Variants in KLHL3 observed in about 807,000 individuals in gnomAD.
KLHL3 encodes the protein kelch like family member 3.
Under a neutral mutation model 70.5 loss-of-function variants are expected in KLHL3, and 19 were observed. The observed-to-expected ratio is 0.27, with a 90% CI of 0.19 to 0.40. KLHL3 has a LOEUF of 0.40. Ranked by LOEUF, KLHL3 falls within the 10% of genes least tolerant of loss-of-function variation. The pLI, the probability that KLHL3 is intolerant of heterozygous loss-of-function variation, is 1.00. For missense variants in KLHL3, 512 were observed against 771.1 expected (o/e 0.66, Z 3.98); for synonymous variants, 258 against 290.3 (o/e 0.89, Z 1.13).
chr5:137,727,510 G>A (rs371547310), intron 1 of KLHL3, among the ~76,000 whole-genome samples: 25 of 152,156 alleles, frequency 1.6e-4, no homozygotes, highest in South Asian at 6.2e-4. Flanking sequence ...TAATCCCATC[G>A]TTGCCCTGAA....
Position 137,735,885 on chromosome 5 carries a change from T to C in KLHL3, c.-239A>G. ...TCTTACCCAGAGCTCCCTGCAGCCC[T>C]TTCAGCTGCTAAAAGCAGCAACCCA... On this transcript the variant is annotated 5_prime_UTR_variant, in exon 1 of 15. Transcript: ENST00000309755. 1 of 581,806 alleles carries C rather than the reference T, an allele frequency of 1.7e-6. No homozygotes were observed. The highest frequency in any genetic ancestry group is 3.1e-6 in the Non-Finnish European group (1 of 321,298). 36.0% of individuals were successfully genotyped at this position (581,806 alleles called of 1,614,324 possible).
chr5:137,636,783 T>C (rs1439108666), intron 11 of KLHL3, among the ~76,000 whole-genome samples: 2 of 152,168 alleles, frequency 1.3e-5, no homozygotes, highest in African/African-American at 4.8e-5. Context: ...TACCTTACCC[T>C]ACACAGCTTT....
At position 137,709,736 on chromosome 5, in the gene KLHL3, G is replaced by GCCACT; in HGVS notation, c.241+9_241+13dup. 6.3e-7 allele frequency: 1 copy of GCCACT among 1,591,370 alleles called. No homozygotes were observed. The highest frequency in any genetic ancestry group is 1.1e-5 in the South Asian group (1 of 90,680). On this transcript the variant is annotated intron_variant, in intron 3 of 14. Transcript: ENST00000309755. ...GCCCCATAACCATGGGTTAATGGTG[G>GCCACT]CCACTCACCATACCTGTGAACATCG... is the stretch of plus-strand genomic sequence containing the variant.
At position 137,692,510 on chromosome 5, in the gene KLHL3, C is replaced by T. The variant is rs1752348575; in HGVS notation, c.364-63G>A. On this transcript the variant is annotated intron_variant, in intron 4 of 14. Transcript: ENST00000309755. ...ACTGGCAGAGACTCATCTGCCTTTT[C>T]CTATCATATCACTCCCATGCTCAAG... The T allele has an allele frequency of 6.8e-6, 10 of 1,476,746 alleles. No individual in the cohort carries two copies. The South Asian group carries it at 8.3e-5, about 12-fold the overall frequency. 91.5% of individuals were successfully genotyped at this position (1,476,746 alleles called of 1,614,324 possible). A position where few individuals can be genotyped will look rare whatever the true frequency, so the allele number is the denominator to read the frequency against.
intron 5 of KLHL3, among the ~76,000 whole-genome samples, chr5:137,678,581 G>A (rs1751945411): frequency 6.6e-6 from 1 of 152,112 alleles, no homozygotes; most frequent in African/African-American, 2.4e-5. Context: ...TCGGCCTCCT[G>A]AATAGCTGGG....
intron 8 of KLHL3, chr5:137,647,744 T>C (rs1054003571): frequency 2.6e-6 from 1 of 381,660 alleles, no homozygotes; most frequent in African/African-American, 2.1e-5. Context: ...CAAGTACTGA[T>C]AGCAAGGTGC....
chr5:137,673,038 T>G (rs564634787), intron 6 of KLHL3: 1 of 152,298 alleles, frequency 6.6e-6, no homozygotes, highest in Admixed American at 6.5e-5. Flanking sequence ...TGAGAATGAC[T>G]CTACGGTCTA....
At position 137,639,291 on chromosome 5, in the gene KLHL3, T is replaced by C. The variant is rs1333100626; in HGVS notation, c.1022-141A>G. On this transcript the variant is annotated intron_variant, in intron 9 of 14. Coordinates refer to ENST00000309755, the MANE Select transcript of KLHL3 (RefSeq NM_017415.3). This position sits in a 1 kb window ranked among gnomAD's most constrained non-coding sequence, Gnocchi z 5.0. Reference sequence around the variant, plus strand: ...TAGGTATTTGGCAGTCATTATGGGATTCACTGGATTTCTTTCCTACTTGCT... The same window carrying C: ...TAGGTATTTGGCAGTCATTATGGGACTCACTGGATTTCTTTCCTACTTGCT... The C allele has an allele frequency of 3.7e-5, 26 of 707,054 alleles. No homozygotes were observed. In the South Asian group the frequency reaches 4.9e-4, roughly 13 times the overall value. The allele number at this position is 707,054 out of a possible 1,614,324, so 43.8% of individuals were successfully genotyped here. A position where few individuals can be genotyped will look rare whatever the true frequency, so the allele number is the denominator to read the frequency against.
At chr5:137,709,250 G>A (rs563261002) in intron 3 of KLHL3, among the ~76,000 whole-genome samples, 6 of 152,166 alleles carry the variant, frequency 3.9e-5, no homozygotes, top group South Asian at 2.1e-4. Context: ...AAAGACTAGC[G>A]GAGGTCCAGG....
rs557090897 is a variant in KLHL3 at position 137,646,203 on chromosome 5, T to G, written c.904-6226A>C. ...GAAAAAAAATGCTCAACATCACTAT[T>G]TATCTGGGAAATGCAAATGAAAATC... is the stretch of plus-strand genomic sequence containing the variant. On this transcript the variant is annotated intron_variant, in intron 8 of 14. Transcript: ENST00000309755. Among the ~76,000 whole-genome samples the G allele has an allele frequency of 4.6e-5, 7 of 152,238 alleles. No individual in the cohort carries two copies. The East Asian group carries it at 1.4e-3, about 29-fold the overall frequency.
At chr5:137,690,649 A>ACAGGCTGCAGGGAGACATGAGAGTCTCTG (rs1752296677) in intron 5 of KLHL3, among the ~76,000 whole-genome samples, 1 of 152,230 alleles carries the variant, frequency 6.6e-6, no homozygotes, top group African/African-American at 2.4e-5. Context: ...GCCTTCAGAA[A>ACAGGCTGCAGGGAGACATGAGAGTCTCTG]CAGGCTGCAG....
chr5:137,636,164 T>C (rs1750761674), intron 11 of KLHL3, among the ~76,000 whole-genome samples: 3 of 152,162 alleles, frequency 2.0e-5, no homozygotes, highest in African/African-American at 7.2e-5. Flanking sequence ...CATAGATGAC[T>C]TATTTAGTAT....
At chr5:137,657,039 G>C (rs1018018746) in intron 8 of KLHL3, among the ~76,000 whole-genome samples, 11 of 152,198 alleles carry the variant, frequency 7.2e-5, no homozygotes, top group Non-Finnish European at 1.5e-4. Flanking sequence ...TATTATCTGG[G>C]ACACTGAGAC....
chr5:137,675,889 G>C (rs1040357752), intron 6 of KLHL3, among the ~76,000 whole-genome samples: 8 of 152,158 alleles, frequency 5.3e-5, no homozygotes, highest in African/African-American at 1.9e-4. Flanking sequence ...AACATGCTCA[G>C]GGGGGCCCCA....
In KLHL3 at chr5:137,692,456, GA is replaced by G. The variant is rs1386941648; in HGVS notation, c.364-10del. On this transcript the variant is annotated splice_polypyrimidine_tract_variant and intron_variant, in intron 4 of 14. Coordinates refer to ENST00000309755, the MANE Select transcript of KLHL3 (RefSeq NM_017415.3). ...GCTGCCGGGAGCAGCACCTGCAAGA[GA>G]AGGTGACATTCTCAGATATTGGATC... The G allele has an allele frequency of 8.1e-6, 13 of 1,613,678 alleles. No individual in the cohort carries two copies. Among genetic ancestry groups the G allele is most frequent in the Non-Finnish European group, 1.1e-5 (13 of 1,179,902 alleles).
intron 12 of KLHL3, among the ~76,000 whole-genome samples, chr5:137,632,921 G>A (rs991775673): frequency 6.6e-6 from 1 of 151,998 alleles, no homozygotes; most frequent in Non-Finnish European, 1.5e-5. Context: ...GCTTAACATC[G>A]TAATCATCAG....
chr5:137,709,687 C>T (rs1281618268), intron 3 of KLHL3, 63 bp downstream of exon 3: 2 of 1,322,542 alleles, frequency 1.5e-6, no homozygotes, highest in African/African-American at 2.9e-5. Context: ...TCACCACCCC[C>T]AACATTCTCC....
intron 8 of KLHL3, among the ~76,000 whole-genome samples, chr5:137,650,475 C>G (rs1470259298): frequency 2.0e-5 from 3 of 152,136 alleles, no homozygotes; most frequent in African/African-American, 7.2e-5. Context: ...TACCCCAGTG[C>G]CTGGCAATTA....
At chr5:137,694,899 C>T (rs948325278) in intron 4 of KLHL3, among the ~76,000 whole-genome samples, 4 of 152,078 alleles carry the variant, frequency 2.6e-5, no homozygotes, top group African/African-American at 9.7e-5. Context: ...GTGTGGTAAA[C>T]TCCAAAAGGG....
Sources: allele counts gnomAD v4.1 joint callset (sites outside exome capture counted in the v4.1 genomes callset), GRCh38; gene constraint gnomAD v4.1.1; non-coding constraint Gnocchi (gnomAD v3.1); transcripts MANE v1.5; gene names NCBI Gene and HGNC (gene_info 2026-07-23, HGNC 2026-07-21).